The following CYB5R4 variants were observed in gnomAD, a reference collection of about 807,000 sequenced individuals.
CYB5R4 encodes cytochrome b5 reductase 4, also known as N-terminal cytochrome b5 and cytochrome b5 oxidoreductase domain-containing protein.
In CYB5R4, 55 loss-of-function variants were observed where a neutral mutation model predicts 70.2. That is an observed-to-expected ratio of 0.78 (90% CI 0.63 to 0.98). The LOEUF is 0.98. Among genes scored for constraint, CYB5R4 ranks in the 50% least tolerant of loss-of-function variants. CYB5R4 has a pLI of 0.00. For missense variants in CYB5R4, 562 were observed against 612.6 expected (o/e 0.92, Z 0.87); for synonymous variants, 197 against 199.5 (o/e 0.99, Z 0.11).
chr6:83,924,694 G>T (rs1298691996), intron 10 of CYB5R4, 102 bp downstream of exon 10: 5 of 1,262,960 alleles, frequency 4.0e-6, no homozygotes, highest in Non-Finnish European at 5.6e-6. Flanking sequence ...ATGAGCTGAA[G>T]GGTCCTTGTA....
At chr6:83,958,031 A>G (rs1159169413) in intron 15 of CYB5R4, among the ~76,000 whole-genome samples, 1 of 152,182 alleles carries the variant, frequency 6.6e-6, no homozygotes, top group African/African-American at 2.4e-5. Flanking sequence ...AGAGTGCTGC[A>G]AAGTTAATCT....
At chr6:83,930,085 A>G (rs9449725) in intron 10 of CYB5R4, among the ~76,000 whole-genome samples, 6,418 of 152,232 alleles carry the variant, frequency 0.042, 457 homozygotes, top group African/African-American at 0.15. Context: ...TATACATTTT[A>G]ATTTAAAAAA....
chr6:83,938,719 T>C (rs937651695), intron 12 of CYB5R4, among the ~76,000 whole-genome samples: 1 of 152,252 alleles, frequency 6.6e-6, no homozygotes. Flanking sequence ...GGGTAAAAGT[T>C]ACCAAGTTAA....
intron 14 of CYB5R4, among the ~76,000 whole-genome samples, chr6:83,941,923 A>G (rs977754311): frequency 1.3e-5 from 2 of 152,182 alleles, no homozygotes; most frequent in African/African-American, 4.8e-5. Flanking sequence ...CCAGCATGAA[A>G]CTTTATTCAC....
chr6:83,892,779 T>C, intron 2 of CYB5R4, among the ~76,000 whole-genome samples: 1 of 152,140 alleles, frequency 6.6e-6, no homozygotes, highest in Non-Finnish European at 1.5e-5. Flanking sequence ...TTTCATCAGA[T>C]TCTTCTACCA....
At chr6:83,936,519 A>C (rs957284085) in intron 12 of CYB5R4, 143 bp downstream of exon 12, 2 of 686,148 alleles carry the variant, frequency 2.9e-6, no homozygotes, top group African/African-American at 3.8e-5. Context: ...TGTCCTACAC[A>C]GCGTGGCCAT....
intron 4 of CYB5R4, 126 bp downstream of exon 4, chr6:83,909,216 C>A (rs1442840432): frequency 8.2e-6 from 5 of 612,412 alleles, no homozygotes; most frequent in Admixed American, 2.9e-5. Context: ...GCCTCCTGGT[C>A]TAGCCACTCC....
At chr6:83,876,280 A>G (rs545826894) in intron 2 of CYB5R4, among the ~76,000 whole-genome samples, 1 of 152,252 alleles carries the variant, frequency 6.6e-6, no homozygotes, top group South Asian at 2.1e-4. Flanking sequence ...GGATTGGGTA[A>G]ATATTGAAGA....
intron 10 of CYB5R4, among the ~76,000 whole-genome samples, chr6:83,931,362 CAAG>C (rs763973244): frequency 3.3e-5 from 5 of 152,172 alleles, no homozygotes; most frequent in Non-Finnish European, 7.4e-5. Context: ...TTCAAAAGTG[CAAG>C]AAGGAGAAGC....
chr6:83,872,165 T>G (rs1026358097), intron 2 of CYB5R4, among the ~76,000 whole-genome samples: 5 of 152,262 alleles, frequency 3.3e-5, no homozygotes, highest in African/African-American at 1.2e-4. Context: ...TATTTATGGT[T>G]TGGCTGTTGC....
chr6:83,922,319 C>A, intron 8 of CYB5R4, 119 bp from the exon 9 acceptor site: 1 of 610,540 alleles, frequency 1.6e-6, no homozygotes, highest in Non-Finnish European at 2.7e-6. Context: ...TCTTTCAGAA[C>A]ACGTTTTGTC....
intron 4 of CYB5R4, among the ~76,000 whole-genome samples, chr6:83,913,962 G>C (rs1436851738): frequency 1.3e-5 from 2 of 151,986 alleles, no homozygotes; most frequent in African/African-American, 4.8e-5. Context: ...TTGTAATAAC[G>C]ATCATTTTAT....
chr6:83,955,538 C>T (rs969927914), intron 15 of CYB5R4, 76 bp downstream of exon 15: 2 of 1,362,968 alleles, frequency 1.5e-6, no homozygotes. Flanking sequence ...TCTCTCAGTT[C>T]TTCCTGTTTA....
intron 2 of CYB5R4, among the ~76,000 whole-genome samples, chr6:83,873,825 G>A (rs2099458050): frequency 6.6e-6 from 1 of 152,136 alleles, no homozygotes; most frequent in Admixed American, 6.5e-5. Flanking sequence ...AAGGAGGTGT[G>A]CTGTGCTGAG....
chr6:83,883,110 G>A (rs146476974), intron 2 of CYB5R4, among the ~76,000 whole-genome samples: 5 of 152,264 alleles, frequency 3.3e-5, no homozygotes, highest in African/African-American at 9.6e-5. Context: ...GAGCTTAATA[G>A]CAGATTGGTG....
At chr6:83,946,037 A>G (rs996924277) in intron 14 of CYB5R4, among the ~76,000 whole-genome samples, 1 of 152,224 alleles carries the variant, frequency 6.6e-6, no homozygotes, top group East Asian at 1.9e-4. Context: ...TATTCCAAAC[A>G]GTAGAAAAAG....
chr6:83,953,261 A>G (rs994352370), intron 14 of CYB5R4, among the ~76,000 whole-genome samples: 2 of 152,136 alleles, frequency 1.3e-5, no homozygotes, highest in Non-Finnish European at 2.9e-5. Context: ...CTTATTTGAT[A>G]GTTAGCCTGC....
chr6:83,861,224 G>T (rs1184669343), intron 1 of CYB5R4, among the ~76,000 whole-genome samples: 1 of 152,190 alleles, frequency 6.6e-6, no homozygotes, highest in Non-Finnish European at 1.5e-5. Context: ...CACAGGGGGC[G>T]ATGGCAAAGG....
rs899444989 is a variant in CYB5R4, at chr6:83,948,834, C to T, written c.1347-6464C>T. ...GAGTTTTGAGGATGAGGAAAGGCCC[C>T]TTTTTTTTTCATGTCTGGATGCCTG... On this transcript the variant is annotated intron_variant, in intron 14 of 15. Transcript: ENST00000369681. 2.7e-5 allele frequency among the ~76,000 whole-genome samples: 4 copies of T among 150,842 alleles called. No individual in the cohort carries two copies. In the East Asian group the frequency reaches 5.9e-4, roughly 22 times the overall value.
Sources: allele counts gnomAD v4.1 joint callset (sites outside exome capture counted in the v4.1 genomes callset), GRCh38; gene constraint gnomAD v4.1.1; transcripts MANE v1.5; gene names NCBI Gene and HGNC (gene_info 2026-07-23, HGNC 2026-07-21).